The following SPATA16 variants were observed in gnomAD, a reference collection of about 807,000 sequenced individuals.
The protein encoded by SPATA16 is spermatogenesis associated 16, also known as spermatogenesis-associated protein 16.
In SPATA16, 36 loss-of-function variants were observed where a neutral mutation model predicts 63.3. That is an observed-to-expected ratio of 0.57 (90% CI 0.44 to 0.75). The LOEUF is 0.75. SPATA16 is among the 30% of genes least tolerant of loss of function. The probability of loss-of-function intolerance (pLI) is 0.00; values close to 1 mark genes in which losing one functional copy is unlikely to be tolerated. For missense variants in SPATA16, 646 were observed against 679.3 expected, an observed-to-expected ratio of 0.95 and a Z score of 0.54; for synonymous variants, 203 against 216.7, an observed-to-expected ratio of 0.94 and a Z score of 0.56.
At chr3:173,112,575 A>G (rs1350648984) in intron 2 of SPATA16, among the ~76,000 whole-genome samples, 2 of 152,214 alleles carry the variant, frequency 1.3e-5, no homozygotes, top group Non-Finnish European at 2.9e-5. Context: ...TAATAACAGT[A>G]TTATCTCATT....
chr3:172,971,542 T>A (rs780029142), intron 5 of SPATA16, among the ~76,000 whole-genome samples: 9 of 152,166 alleles, frequency 5.9e-5, no homozygotes, highest in Non-Finnish European at 8.8e-5. Flanking sequence ...CTGGTAATAG[T>A]TTGCGCTAGA....
At chr3:172,945,138 T>A (rs1733249525) in intron 6 of SPATA16, among the ~76,000 whole-genome samples, 1 of 152,230 alleles carries the variant, frequency 6.6e-6, no homozygotes. Context: ...AATAAGATGG[T>A]AATTATGTAG....
intron 2 of SPATA16, among the ~76,000 whole-genome samples, chr3:173,069,032 C>T (rs1489649372): frequency 6.7e-6 from 1 of 149,918 alleles, no homozygotes; most frequent in African/African-American, 2.5e-5. Context: ...ATGGCGTGAA[C>T]CCGGGAGGCG....
chr3:172,894,429 T>A (rs1731962769), intron 10 of SPATA16, among the ~76,000 whole-genome samples: 1 of 151,892 alleles, frequency 6.6e-6, no homozygotes, highest in Non-Finnish European at 1.5e-5. Flanking sequence ...ATTTAGTATT[T>A]TAGTCATAAG....
chr3:173,077,484 A>G (rs1317918744), intron 2 of SPATA16, among the ~76,000 whole-genome samples: 1 of 152,222 alleles, frequency 6.6e-6, no homozygotes, highest in African/African-American at 2.4e-5. Flanking sequence ...TCATTCCTCC[A>G]TAGGAGGATA....
At chr3:173,075,594 T>C (rs1427828213) in intron 2 of SPATA16, among the ~76,000 whole-genome samples, 1 of 152,100 alleles carries the variant, frequency 6.6e-6, no homozygotes, top group African/African-American at 2.4e-5. Flanking sequence ...TATTCAGCCA[T>C]AAAAAATGAA....
intron 10 of SPATA16, among the ~76,000 whole-genome samples, chr3:172,907,805 T>C (rs1310710857): frequency 6.6e-6 from 1 of 152,144 alleles, no homozygotes; most frequent in African/African-American, 2.4e-5. Context: ...CTCAAACTCC[T>C]GACCTCAGGT....
At chr3:173,071,232 T>C (rs1298017435) in intron 2 of SPATA16, among the ~76,000 whole-genome samples, 1 of 152,210 alleles carries the variant, frequency 6.6e-6, no homozygotes, top group African/African-American at 2.4e-5. Context: ...CTTCAATAAA[T>C]GGTGCTGAGA....
At chr3:173,126,214 C>CT (rs1560132524) in intron 1 of SPATA16, among the ~76,000 whole-genome samples, 1 of 152,240 alleles carries the variant, frequency 6.6e-6, no homozygotes, top group African/African-American at 2.4e-5. Context: ...AAAAATCAGT[C>CT]TTTTTTGGAG....
intron 1 of SPATA16, among the ~76,000 whole-genome samples, chr3:173,130,139 A>G (rs1334049931): frequency 5.9e-5 from 9 of 152,084 alleles, no homozygotes; most frequent in South Asian, 4.1e-4. Context: ...GAGGCGGCGG[A>G]TCACGAGGTT....
chr3:172,992,578 GA>G (rs1403865320), intron 4 of SPATA16, among the ~76,000 whole-genome samples: 13 of 151,982 alleles, frequency 8.6e-5, no homozygotes, highest in Admixed American at 7.9e-4. Flanking sequence ...TTAAATACAA[GA>G]AAAAAATATT....
intron 10 of SPATA16, among the ~76,000 whole-genome samples, chr3:172,898,541 G>T (rs1292112462): frequency 6.6e-6 from 1 of 151,734 alleles, no homozygotes; most frequent in Non-Finnish European, 1.5e-5. Context: ...TTTACTGTCT[G>T]CAGCATCTGT....
intron 10 of SPATA16, among the ~76,000 whole-genome samples, chr3:172,902,982 A>G (rs2109548892): frequency 6.6e-6 from 1 of 152,324 alleles, no homozygotes; most frequent in African/African-American, 2.4e-5. Context: ...ATACACTACA[A>G]ATGACTGAAT....
intron 4 of SPATA16, among the ~76,000 whole-genome samples, chr3:172,992,045 G>A (rs1734589989): frequency 6.6e-6 from 1 of 152,010 alleles, no homozygotes; most frequent in African/African-American, 2.4e-5. Flanking sequence ...TAGAAGTTTT[G>A]CACCCTTGAA....
At chr3:173,094,759 G>C (rs1737312156) in intron 2 of SPATA16, among the ~76,000 whole-genome samples, 1 of 150,050 alleles carries the variant, frequency 6.7e-6, no homozygotes, top group East Asian at 2.0e-4. Flanking sequence ...GGAGACGGAA[G>C]GACCTTCTTC....
At chr3:173,077,090 T>C (rs2108311121) in intron 2 of SPATA16, among the ~76,000 whole-genome samples, 1 of 152,296 alleles carries the variant, frequency 6.6e-6, no homozygotes, top group South Asian at 2.1e-4. Context: ...TTGTGGGTAA[T>C]AAAACTAGAT....
At chr3:173,117,889 A>G in intron 1 of SPATA16, 140 bp from the exon 2 acceptor site, 1 of 1,352,870 alleles carries the variant, frequency 7.4e-7, no homozygotes, top group Non-Finnish European at 1.0e-6. Context: ...TATTTACATA[A>G]TCTACTGACT....
intron 5 of SPATA16, among the ~76,000 whole-genome samples, chr3:172,973,025 C>G (rs1734081932): frequency 6.6e-6 from 1 of 152,168 alleles, no homozygotes; most frequent in South Asian, 2.1e-4. Flanking sequence ...TATTGGAGCT[C>G]TAACTCCATT....
intron 2 of SPATA16, among the ~76,000 whole-genome samples, chr3:173,108,432 A>AT (rs1737670650): frequency 6.6e-6 from 1 of 152,088 alleles, no homozygotes; most frequent in Non-Finnish European, 1.5e-5. Flanking sequence ...ACCTATTGTG[A>AT]TTTTAAAAGA....
Sources: gnomAD v4.1 joint callset for allele counts (sites outside exome capture counted in the v4.1 genomes callset) on GRCh38, gnomAD v4.1.1 for gene constraint, MANE v1.5 for transcripts, NCBI Gene and HGNC (gene_info 2026-07-23, HGNC 2026-07-21) for gene names.